The following ATP10B variants were observed in gnomAD, a reference collection of about 807,000 sequenced individuals.
ATP10B encodes the protein phospholipid-transporting ATPase VB.
ATP10B carries 122 observed loss-of-function variants against 141.2 expected under a neutral mutation model. The observed-to-expected ratio is 0.86, with a 90% confidence interval of 0.75 to 1.00. The LOEUF is 1.00. Among genes scored for constraint, ATP10B ranks in the 50% least tolerant of loss-of-function variants. The pLI is 0.00. For synonymous variants in ATP10B, 685 were observed against 692.0 expected, an observed-to-expected ratio of 0.99 and a Z score of 0.16; for missense variants, 1,876 against 1,825.3, an observed-to-expected ratio of 1.03 and a Z score of -0.51.
At chr5:160,751,581 A>C (rs76169030) in intron 2 of ATP10B, among the ~76,000 whole-genome samples, 1 of 151,584 alleles carries the variant, frequency 6.6e-6, no homozygotes, top group East Asian at 2.0e-4. Flanking sequence ...CTAATCACCC[A>C]AAGGACTGGT....
chr5:160,796,447 C>T (rs55923347), intron 1 of ATP10B, among the ~76,000 whole-genome samples: 1,875 of 152,340 alleles, frequency 0.012, 24 homozygotes, highest in Non-Finnish European at 0.021. Flanking sequence ...GTAGCAGCCA[C>T]TGTGCTAAGC....
chr5:160,891,517 G>T, the ATP10B span, among the ~76,000 whole-genome samples: 2 of 152,124 alleles, frequency 1.3e-5, no homozygotes, highest in East Asian at 1.9e-4. Flanking sequence ...GTGCAGTGGC[G>T]CAGTCTCAAC....
In ATP10B at chr5:160,569,785, T is replaced by C. The variant is rs975039881; in HGVS notation, c.3751-102A>G. On this transcript the variant is annotated intron_variant, in intron 24 of 25. Coordinates refer to ENST00000327245, the MANE Select transcript of ATP10B (RefSeq NM_025153.3). Reference sequence around the variant, plus strand: ...ACTTTGTTTCAAACTATTTTTGAAATGCAAAACACACAAAATTCAAAAAAG... The same window carrying C: ...ACTTTGTTTCAAACTATTTTTGAAACGCAAAACACACAAAATTCAAAAAAG... 8.3e-6 allele frequency: 8 copies of C among 965,714 alleles called. No individual in the cohort carries two copies. The African/African-American group carries it at 1.2e-4, about 14-fold the overall frequency. 59.8% of individuals were successfully genotyped at this position (965,714 alleles called of 1,614,324 possible). A position where few individuals can be genotyped will look rare whatever the true frequency, so the allele number is the denominator to read the frequency against.
the ATP10B span, among the ~76,000 whole-genome samples, chr5:160,875,292 T>A: frequency 5.2e-4 from 38 of 72,514 alleles, 3 homozygotes; most frequent in Non-Finnish European, 9.7e-4. Flanking sequence ...CTAAGCTTCA[T>A]AAGTGAAGGA....
chr5:160,650,953 C>T (rs1416161239), intron 7 of ATP10B, among the ~76,000 whole-genome samples: 5 of 152,114 alleles, frequency 3.3e-5, no homozygotes, highest in African/African-American at 4.8e-5. Context: ...TTCCTTTAAT[C>T]GTTTCACCAT....
intron 6 of ATP10B, chr5:160,685,062 G>A (rs1401892339): frequency 2.8e-6 from 2 of 703,606 alleles, no homozygotes; most frequent in African/African-American, 1.7e-5. Flanking sequence ...TTTTGGGGAC[G>A]AAGGACAACA....
At chr5:160,835,965 A>T (rs1185476535) in intron 1 of ATP10B, among the ~76,000 whole-genome samples, 1 of 152,064 alleles carries the variant, frequency 6.6e-6, no homozygotes, top group Non-Finnish European at 1.5e-5. Flanking sequence ...TGGAATGAAA[A>T]CCATTTCAAA....
intron 1 of ATP10B, among the ~76,000 whole-genome samples, chr5:160,840,893 C>T (rs1001269716): frequency 3.3e-5 from 5 of 152,090 alleles, no homozygotes; most frequent in Non-Finnish European, 4.4e-5. Flanking sequence ...TTAAAATTCA[C>T]TGAGATACTA....
chr5:160,606,858 G>A lies in ATP10B; in HGVS notation c.3067C>T (p.Arg1023Trp), dbSNP rs757175982. 121 of 1,614,012 alleles carry A rather than the reference G, an allele frequency of 7.5e-5. No homozygotes were observed. Among genetic ancestry groups the A allele is most frequent in the Non-Finnish European group, 9.6e-5 (113 of 1,180,022 alleles). ...GTGGAGCGGCAGCACAGGACGGACC[G>A]ACAATACTGGGTCAATTCCAGAAAC... Reference protein sequence around the residue: ...KKFLELTQYCRSVLCCRSTPL... With the variant: ...KKFLELTQYCWSVLCCRSTPL... Residue 1023 changes from arginine to tryptophan, a missense_variant, in exon 19 of 26, where the codon CGG becomes TGG. Transcript: ENST00000327245.
chr5:160,771,994 C>G (rs1428362939), intron 2 of ATP10B, among the ~76,000 whole-genome samples: 1 of 152,232 alleles, frequency 6.6e-6, no homozygotes, highest in Non-Finnish European at 1.5e-5. Context: ...CCTCCAAGGG[C>G]TTTTCCTGCA....
intron 1 of ATP10B, among the ~76,000 whole-genome samples, chr5:160,823,019 T>TATATATAC (rs1774283040): frequency 8.2e-6 from 1 of 122,090 alleles, no homozygotes; most frequent in African/African-American, 3.0e-5. Context: ...TATATATATA[T>TATATATAC]ATATATATAT....
At chr5:160,815,718 A>C (rs1318173158) in intron 1 of ATP10B, among the ~76,000 whole-genome samples, 1 of 152,192 alleles carries the variant, frequency 6.6e-6, no homozygotes, top group African/African-American at 2.4e-5. Context: ...TATTCTTTTC[A>C]CCACCACACA....
At chr5:160,761,988 G>C (rs947929529) in intron 2 of ATP10B, among the ~76,000 whole-genome samples, 4 of 152,090 alleles carry the variant, frequency 2.6e-5, no homozygotes, top group Non-Finnish European at 5.9e-5. Flanking sequence ...TTCAGAGCTT[G>C]AAGACAAGGC....
intron 2 of ATP10B, among the ~76,000 whole-genome samples, chr5:160,746,591 C>A (rs547612455): frequency 6.6e-6 from 1 of 151,948 alleles, no homozygotes; most frequent in Non-Finnish European, 1.5e-5. Context: ...TGGATTTCAC[C>A]GTGTTGGCCA....
At position 160,636,321 on chromosome 5, in the gene ATP10B, C is replaced by A; in HGVS notation, c.1001-12G>T. On this transcript the variant is annotated splice_polypyrimidine_tract_variant and intron_variant, in intron 10 of 25. Transcript: ENST00000327245. ...CCAGATGCTGTGACCTGAGAGGAGG[C>A]AAAACCAGGAATGAGGCTGAATCTC... 1 of 1,610,364 alleles carries A rather than the reference C, an allele frequency of 6.2e-7. No homozygotes were observed. The highest frequency in any genetic ancestry group is 8.5e-7 in the Non-Finnish European group (1 of 1,178,490).
intron 3 of ATP10B, among the ~76,000 whole-genome samples, chr5:160,701,677 C>T (rs1764687623): frequency 6.6e-6 from 1 of 151,968 alleles, no homozygotes; most frequent in African/African-American, 2.4e-5. Flanking sequence ...ACTCATCTAT[C>T]CCAGTGCCTC....
chr5:160,728,205 C>T (rs1460580442), intron 2 of ATP10B, among the ~76,000 whole-genome samples: 13 of 152,034 alleles, frequency 8.6e-5, no homozygotes, highest in African/African-American at 2.7e-4. Flanking sequence ...TACTGCCTAC[C>T]GTCTCTTCTT....
chr5:160,687,615 A>G (rs922696721), intron 5 of ATP10B, among the ~76,000 whole-genome samples, 185 bp downstream of exon 5: 4 of 151,960 alleles, frequency 2.6e-5, no homozygotes, highest in Admixed American at 2.6e-4. Flanking sequence ...AAGTACAAAA[A>G]TTTGCCGGGC....
chr5:160,795,087 C>A (rs193212248), intron 1 of ATP10B, among the ~76,000 whole-genome samples: 1 of 152,166 alleles, frequency 6.6e-6, no homozygotes, highest in Non-Finnish European at 1.5e-5. Context: ...GGTTGGAGGT[C>A]CATGATAAAT....
Sources: allele counts gnomAD v4.1 joint callset (sites outside exome capture counted in the v4.1 genomes callset), GRCh38; gene constraint gnomAD v4.1.1; transcripts MANE v1.5; gene names NCBI Gene and HGNC (gene_info 2026-07-23, HGNC 2026-07-21).